Variants in PTGIS observed in about 807,000 individuals in gnomAD.
The protein encoded by PTGIS is prostaglandin I2 synthase.
In PTGIS, 45 loss-of-function variants were observed where a neutral mutation model predicts 50.3. The ratio of observed to expected loss-of-function variants is 0.90; its 90% CI spans 0.70 to 1.15. PTGIS has a LOEUF of 1.15. Ranked by LOEUF, PTGIS falls within the 50% of genes most tolerant of loss-of-function variation. The probability of loss-of-function intolerance (pLI) is 0.00; values close to 1 mark genes in which losing one functional copy is unlikely to be tolerated. For synonymous variants in PTGIS, 260 were observed against 267.7 expected (o/e 0.97, Z 0.28); for missense variants, 668 against 661.3 (o/e 1.01, Z -0.11).
At chr20:49,559,986 G>A (rs149648985) in intron 1 of PTGIS, among the ~76,000 whole-genome samples, 2,965 of 151,218 alleles carry the variant, frequency 0.02, 41 homozygotes, top group Non-Finnish European at 0.03. Flanking sequence ...GTGCAATGGC[G>A]CGATCTTGGC....
At chr20:49,566,356 A>G (rs1050477501) in intron 1 of PTGIS, among the ~76,000 whole-genome samples, 22 of 152,256 alleles carry the variant, frequency 1.4e-4, no homozygotes, top group African/African-American at 5.1e-4. Context: ...AAAAGAACAG[A>G]TGTCAAAACT....
chr20:49,553,588 G>C (rs1443245660), intron 1 of PTGIS, among the ~76,000 whole-genome samples: 1 of 151,760 alleles, frequency 6.6e-6, no homozygotes, highest in Non-Finnish European at 1.5e-5. Flanking sequence ...TTAAATGTCT[G>C]GGTCATTTCC....
chr20:49,561,928 T>C (rs1982788360), intron 1 of PTGIS, among the ~76,000 whole-genome samples: 1 of 152,168 alleles, frequency 6.6e-6, no homozygotes, highest in Admixed American at 6.5e-5. Flanking sequence ...TTGGAAATAA[T>C]GGCTAACATT....
intron 6 of PTGIS, among the ~76,000 whole-genome samples, chr20:49,519,490 C>T (rs889205684): frequency 3.3e-5 from 5 of 152,024 alleles, no homozygotes; most frequent in African/African-American, 1.2e-4. Flanking sequence ...CTCCCACCTT[C>T]CTGGCCCCTC....
Position 49,513,267 on chromosome 20 carries a change from T to C in PTGIS, c.1025-6A>G. On this transcript the variant is annotated splice_polypyrimidine_tract_variant and splice_region_variant and intron_variant, in intron 7 of 9. Coordinates refer to ENST00000244043, the MANE Select transcript of PTGIS (RefSeq NM_000961.4). ...GCTCTCACTCAGCACGCTATCTGCA[T>C]GGGGCAGGTGCAAGGAAGAGTCAGC... The C allele has an allele frequency of 6.2e-7, 1 of 1,612,836 alleles. No individual in the cohort carries two copies. Among genetic ancestry groups the C allele is most frequent in the Non-Finnish European group, 8.5e-7 (1 of 1,179,820 alleles).
chr20:49,536,470 C>CTTTTT (rs1471525960), intron 5 of PTGIS, among the ~76,000 whole-genome samples: 117 of 135,058 alleles, frequency 8.7e-4, no homozygotes, highest in Middle Eastern at 3.8e-3. Context: ...TTCTTTCTTT[C>CTTTTT]TTTCTTTCTT....
intron 5 of PTGIS, among the ~76,000 whole-genome samples, chr20:49,536,429 G>A (rs2122871427): frequency 6.6e-6 from 1 of 151,430 alleles, no homozygotes; most frequent in Non-Finnish European, 1.5e-5. Context: ...TAAGTGCTCA[G>A]CAAACAGTGC....
At position 49,567,977 on chromosome 20, in the gene PTGIS, T is replaced by C. The variant is rs1982948366; in HGVS notation, c.74+66A>G. On this transcript the variant is annotated intron_variant, in intron 1 of 9. Coordinates refer to ENST00000244043, the MANE Select transcript of PTGIS (RefSeq NM_000961.4). ...GGCCGGCCGCGGGCTCCGAGACCCTTGGGCTGCAGCCCGGGCGGGAGCCGC... is the reference window on the plus strand; with the variant it reads ...GGCCGGCCGCGGGCTCCGAGACCCTCGGGCTGCAGCCCGGGCGGGAGCCGC... 9 of 1,407,102 alleles carry C rather than the reference T, an allele frequency of 6.4e-6. No homozygotes were observed. The East Asian group carries it at 2.7e-4, about 42-fold the overall frequency. The allele number at this position is 1,407,102 out of a possible 1,614,324, so 87.2% of individuals were successfully genotyped here.
intron 5 of PTGIS, among the ~76,000 whole-genome samples, chr20:49,534,950 G>A (rs1423850202): frequency 6.6e-6 from 1 of 152,130 alleles, no homozygotes; most frequent in Non-Finnish European, 1.5e-5. Context: ...AGATTGCAGT[G>A]AGCCGAGGTC....
chr20:49,527,788 G>A (rs1981828107), intron 5 of PTGIS, among the ~76,000 whole-genome samples: 1 of 152,006 alleles, frequency 6.6e-6, no homozygotes, highest in Non-Finnish European at 1.5e-5. Context: ...TTTTTAAAAG[G>A]CATATGAAGG....
Position 49,524,030 on chromosome 20 carries a change from ACACACCCACTTGCACATT to A in PTGIS, c.855+10_855+27del. The A allele has an allele frequency of 6.2e-7, 1 of 1,613,920 alleles. No homozygotes were observed. The highest frequency in any genetic ancestry group is 8.5e-7 in the Non-Finnish European group (1 of 1,179,848). On this transcript the variant is annotated intron_variant, in intron 6 of 9. Transcript: ENST00000244043. ...ATCGCAACCACACATGCACACCTGC[ACACACCCACTTGCACATT>A]CACACCCACCTGTGTGGCCCACAGC...
rs1409465197 is a variant in PTGIS, at chr20:49,531,342, A to AT, written c.674-7104dup. ...GGTGGCTCAACCTGGGGCCCTGCAG[A>AT]TGAGCAAAGCTGTGTAGTTAAAGGG... On this transcript the variant is annotated intron_variant, in intron 5 of 9. Coordinates refer to ENST00000244043, the MANE Select transcript of PTGIS (RefSeq NM_000961.4). Among the ~76,000 whole-genome samples the AT allele has an allele frequency of 9.2e-5, 14 of 152,302 alleles. 1 individual carries two copies. In the South Asian group the frequency reaches 1.9e-3, roughly 20 times the overall value.
chr20:49,528,103 G>A (rs1195771280), intron 5 of PTGIS, among the ~76,000 whole-genome samples: 1 of 152,200 alleles, frequency 6.6e-6, no homozygotes, highest in Admixed American at 6.5e-5. Context: ...TGGAGCCACT[G>A]CACTCCAGCC....
At chr20:49,527,307 A>T (rs1365451981) in intron 5 of PTGIS, among the ~76,000 whole-genome samples, 1 of 146,756 alleles carries the variant, frequency 6.8e-6, no homozygotes, top group Non-Finnish European at 1.5e-5. Flanking sequence ...AAAAAAAAAA[A>T]TTAGCCAGGC....
intron 4 of PTGIS, 116 bp from the exon 5 acceptor site, chr20:49,539,837 C>G: frequency 7.3e-7 from 1 of 1,373,812 alleles, no homozygotes; most frequent in Non-Finnish European, 1.0e-6. Flanking sequence ...CTACTGTGCG[C>G]CAAAGACCAT....
chr20:49,524,622 A>T (rs1317879531), intron 5 of PTGIS, among the ~76,000 whole-genome samples: 5 of 152,092 alleles, frequency 3.3e-5, no homozygotes, highest in South Asian at 2.1e-4. Flanking sequence ...TTATTTATTT[A>T]TTTTTTAAAA....
rs374884491 is a variant in PTGIS at position 49,564,202 on chromosome 20, T to G, written c.74+3841A>C. Among the ~76,000 whole-genome samples, 8 of 152,254 alleles carry G rather than the reference T, an allele frequency of 5.3e-5. No homozygotes were observed. The South Asian group carries it at 1.2e-3, about 24-fold the overall frequency. ...CTCAGGCAAGAAAATAGAATTGTAG[T>G]TGTCAGTTTTATATGCATTCTGAAA... On this transcript the variant is annotated intron_variant, in intron 1 of 9. Transcript: ENST00000244043.
chr20:49,529,486 C>G (rs13038401), intron 5 of PTGIS, among the ~76,000 whole-genome samples: 1 of 152,218 alleles, frequency 6.6e-6, no homozygotes. Flanking sequence ...TTTACATACA[C>G]AGCAGTCCTG....
chr20:49,534,211 A>C (rs1457312812), intron 5 of PTGIS, among the ~76,000 whole-genome samples: 1 of 152,200 alleles, frequency 6.6e-6, no homozygotes, highest in Non-Finnish European at 1.5e-5. Flanking sequence ...ATGTTTGTGT[A>C]TCTGTAGACA....
Sources: gnomAD v4.1 joint callset for allele counts (sites outside exome capture counted in the v4.1 genomes callset) on GRCh38, gnomAD v4.1.1 for gene constraint, MANE v1.5 for transcripts, NCBI Gene and HGNC (gene_info 2026-07-23, HGNC 2026-07-21) for gene names.